COL6A2: variants seen among roughly 807,000 people sequenced by gnomAD.
COL6A2 encodes the protein collagen alpha-2(VI) chain.
A neutral mutation model predicts 124.9 loss-of-function variants in COL6A2; 90 were observed. That is an observed-to-expected ratio of 0.72 (90% CI 0.61 to 0.86). The LOEUF is 0.86. Ranked by LOEUF, COL6A2 falls within the 40% of genes least tolerant of loss-of-function variation. The pLI is 0.00. For synonymous variants in COL6A2, 793 were observed against 618.2 expected (o/e 1.28, Z -4.19); for missense variants, 1,607 against 1,502.5 (o/e 1.07, Z -1.15).
At chr21:46,106,778 C>G (rs2078339333) in intron 1 of COL6A2, among the ~76,000 whole-genome samples, 1 of 152,190 alleles carries the variant, frequency 6.6e-6, no homozygotes, top group Admixed American at 6.5e-5. Context: ...CCTGTTCCAG[C>G]ACCAAAACCA....
Position 46,116,041 on chromosome 21 carries a change from C to T in COL6A2, c.888C>T (p.Phe296=), listed in dbSNP as rs1252098422. Residue 296 remains phenylalanine, a synonymous_variant, in exon 7 of 28, where the codon TTC becomes TTT. Transcript: ENST00000300527. The surrounding 1 kb of genome is among the most constrained non-coding windows in gnomAD (Gnocchi z 4.6). ...CGGGCATCGAAGGCCCCATTGGATT[C>T]CCAGGACCCAAGGTGAGTGACCTCG... is the stretch of plus-strand genomic sequence containing the variant. ...GDPGIEGPIG[F]PGPKGVPGFK... The T allele has an allele frequency of 6.3e-7, 1 of 1,595,036 alleles. No individual in the cohort carries two copies.
chr21:46,112,727 T>G (rs980379326), intron 3 of COL6A2, 77 bp from the exon 4 acceptor site: 69 of 1,606,974 alleles, frequency 4.3e-5, no homozygotes, highest in Non-Finnish European at 5.5e-5. Flanking sequence ...TGTCCCTCCA[T>G]CCCCACCCAG....
intron 22 of COL6A2, 42 bp from the exon 23 acceptor site, chr21:46,124,843 A>G (rs112970477): frequency 6.2e-6 from 10 of 1,612,304 alleles, no homozygotes; most frequent in African/African-American, 5.3e-5. Context: ...TCAGCCACCC[A>G]GCCTTGGCCC....
chr21:46,132,250 G>A lies in COL6A2; in HGVS notation c.2758G>A (p.Gly920Ser), dbSNP rs758061270. Residue 920 changes from glycine (G) to serine (S), a missense_variant, in exon 28 of 28, where the codon GGC (glycine) becomes AGC (serine). Gly to Ser is a moderately conservative substitution (Grantham distance 56). This residue lies in a region of COL6A2 where 1,223 missense variants were observed against 1,052.2 expected (regional missense o/e 1.16). Transcript: ENST00000300527. ...YLNSFSHVGA[G>S]VVHAINAIVR... Reference sequence around the variant, plus strand: ...GAACTCCTTCTCGCACGTGGGCGCAGGCGTGGTGCACGCCATCAATGCCAT... The same window carrying A: ...GAACTCCTTCTCGCACGTGGGCGCAAGCGTGGTGCACGCCATCAATGCCAT... 4.9e-5 allele frequency: 79 copies of A among 1,604,958 alleles called. No individual in the cohort carries two copies. Among genetic ancestry groups the A allele is most frequent in the Non-Finnish European group, 6.5e-5 (77 of 1,177,686 alleles).
At chr21:46,106,009 T>A (rs2078332189) in intron 1 of COL6A2, among the ~76,000 whole-genome samples, 1 of 152,110 alleles carries the variant, frequency 6.6e-6, no homozygotes, top group Non-Finnish European at 1.5e-5. Flanking sequence ...TCCAGAAACA[T>A]AAATAGATTG....
At chr21:46,123,913 G>GA (rs2078613448) in intron 21 of COL6A2, among the ~76,000 whole-genome samples, 2 of 136,418 alleles carry the variant, frequency 1.5e-5, no homozygotes, top group Non-Finnish European at 1.7e-5. Context: ...ATGGGTGGGT[G>GA]GATAGAGGAT....
At chr21:46,120,967 C>T (rs889276121) in intron 16 of COL6A2, 94 bp from the exon 17 acceptor site, 10 of 1,226,514 alleles carry the variant, frequency 8.2e-6, no homozygotes, top group Admixed American at 3.4e-5. Context: ...CCGTCTTACC[C>T]CCGAGGCCCT....
chr21:46,116,534 G>A lies in COL6A2; in HGVS notation c.928-117G>A, dbSNP rs989954344. On this transcript the variant is annotated intron_variant, in intron 8 of 27. Transcript: ENST00000300527. This position sits in a 1 kb window ranked among gnomAD's most constrained non-coding sequence, Gnocchi z 4.6. ...TCTTTTCTCAGTGGTGGCTTTGGGG[G>A]CTCCTGGGGGGTCCTGTGGCCTTGA... The A allele has an allele frequency of 1.3e-6, 2 of 1,573,978 alleles. No homozygotes were observed. The highest frequency in any genetic ancestry group is 1.7e-6 in the Non-Finnish European group (2 of 1,149,152).
chr21:46,112,122 C>G lies in COL6A2; in HGVS notation c.259C>G (p.Leu87Val). The G allele has an allele frequency of 6.2e-7, 1 of 1,613,208 alleles. No homozygotes were observed. Among genetic ancestry groups the G allele is most frequent in the Non-Finnish European group, 8.5e-7 (1 of 1,180,040 alleles). Residue 87 changes from leucine (L) to valine (V), a missense_variant, in exon 3 of 28, where the codon CTG becomes GTG. Physicochemically the swap from Leu to Val is conservative, Grantham distance 32. Transcript: ENST00000300527. The stretch of plus-strand genomic sequence containing the variant: ...CAGCCAGCTGCAGAACGAGTTCTAC[C>G]TGGACCAGGTGGCGCTGAGCTGGCG... The part of the protein sequence containing the change: ...FISQLQNEFY[L>V]DQVALSWRYG...
At chr21:46,121,388 AAGG>A (rs1459505306) in intron 17 of COL6A2, among the ~76,000 whole-genome samples, 165 bp from the exon 18 acceptor site, 1 of 152,110 alleles carries the variant, frequency 6.6e-6, no homozygotes, top group African/African-American at 2.4e-5. Flanking sequence ...GCCACAGGGA[AAGG>A]AGGAGCTGGG....
At position 46,115,755 on chromosome 21, in the gene COL6A2, T is replaced by A. The variant is rs373610262; in HGVS notation, c.802-117T>A. 4.4e-6 allele frequency: 4 copies of A among 913,324 alleles called. No homozygotes were observed. The African/African-American group carries it at 4.9e-5, about 11-fold the overall frequency. 56.6% of individuals were successfully genotyped at this position (913,324 alleles called of 1,614,324 possible). On this transcript the variant is annotated intron_variant, in intron 5 of 27. Coordinates refer to ENST00000300527, the MANE Select transcript of COL6A2 (RefSeq NM_001849.4). ...CAGCTGACACCAAGACTTCTCCACT[T>A]GGGCAGGGGAATCAGTAACCTCTGC...
intron 27 of COL6A2, chr21:46,129,400 G>C: frequency 6.2e-7 from 1 of 1,612,850 alleles, no homozygotes; most frequent in South Asian, 1.1e-5. Context: ...GGGGTAGAGC[G>C]GCAGGACTGG....
At chr21:46,111,283 C>A (rs1025067619) in intron 1 of COL6A2, 167 bp from the exon 2 acceptor site, 25 of 578,570 alleles carry the variant, frequency 4.3e-5, no homozygotes, top group Non-Finnish European at 6.8e-5. Flanking sequence ...GCAAGCCCCC[C>A]AGTCCAGATG....
intron 26 of COL6A2, 47 bp downstream of exon 26, chr21:46,126,284 A>G (rs1400709082): frequency 1.0e-5 from 16 of 1,586,364 alleles, no homozygotes; most frequent in Non-Finnish European, 1.3e-5. Flanking sequence ...AGCAGGCCCC[A>G]GCCGCTGTCT....
chr21:46,129,803 C>T (rs1220936786), intron 27 of COL6A2: 3 of 1,195,504 alleles, frequency 2.5e-6, no homozygotes, highest in Non-Finnish European at 3.1e-6. Context: ...TTAACTCACT[C>T]CCGTCTGCAG....
At position 46,132,728 on chromosome 21, in the gene COL6A2, T is replaced by TCTCCCCAGGC; in HGVS notation, c.*178_*187dup. On this transcript the variant is annotated 3_prime_UTR_variant, in exon 28 of 28. Transcript: ENST00000300527. ...GCCCCGGCCCCCGCCCAGCCCCAGGTCTCCCCAGGCCCTCCGCAGGCTGCC... is the reference window on the plus strand; with the variant it reads ...GCCCCGGCCCCCGCCCAGCCCCAGGTCTCCCCAGGCCTCCCCAGGCCCTCCGCAGGCTGCC... 2 of 658,010 alleles carry TCTCCCCAGGC rather than the reference T, an allele frequency of 3.0e-6. No homozygotes were observed. Among genetic ancestry groups the TCTCCCCAGGC allele is most frequent in the South Asian group, 3.7e-5 (2 of 54,188 alleles). 40.8% of individuals were successfully genotyped at this position (658,010 alleles called of 1,614,324 possible).
At chr21:46,126,687 G>A in intron 27 of COL6A2, 146 bp downstream of exon 27, 1 of 977,746 alleles carries the variant, frequency 1.0e-6, no homozygotes, top group Admixed American at 2.0e-5. Context: ...TAGGGAGATG[G>A]CCCCAGGATG....
intron 19 of COL6A2, 91 bp downstream of exon 19, chr21:46,122,249 C>T (rs1411334769): frequency 2.1e-6 from 3 of 1,443,666 alleles, no homozygotes; most frequent in Non-Finnish European, 2.9e-6. Context: ...TCAAGGCCTC[C>T]TCTGTGCAGA....
chr21:46,127,554 G>A (rs942080695), intron 27 of COL6A2, among the ~76,000 whole-genome samples: 1 of 152,182 alleles, frequency 6.6e-6, no homozygotes, highest in African/African-American at 2.4e-5. Flanking sequence ...CCGCCAAGGT[G>A]CAGGCGTCCT....
Sources: gnomAD v4.1 joint callset for allele counts (sites outside exome capture counted in the v4.1 genomes callset) on GRCh38, gnomAD v4.1.1 for gene constraint, gnomAD v4.1.1 regional missense constraint, Gnocchi (gnomAD v3.1) non-coding constraint, MANE v1.5 for transcripts, NCBI Gene and HGNC (gene_info 2026-07-23, HGNC 2026-07-21) for gene names.